IL6R: variants seen among roughly 807,000 people sequenced by gnomAD.
IL6R encodes the protein interleukin 6 receptor.
Under a neutral mutation model 48.3 loss-of-function variants are expected in IL6R, and 38 were observed. That is an observed-to-expected ratio of 0.79 (90% CI 0.61 to 1.03). The LOEUF (loss-of-function observed/expected upper bound fraction) is 1.03. Ranked by LOEUF, IL6R falls within the 50% of genes least tolerant of loss-of-function variation. IL6R has a pLI of 0.00. For missense variants in IL6R, 534 were observed against 618.3 expected (o/e 0.86, Z 1.45); for synonymous variants, 264 against 256.2 (o/e 1.03, Z -0.29).
chr1:154,449,529 A>C (rs1055163698), intron 7 of IL6R, among the ~76,000 whole-genome samples: 2 of 151,902 alleles, frequency 1.3e-5, no homozygotes, highest in African/African-American at 4.8e-5. Flanking sequence ...AAAACAAACA[A>C]AAAAAAAGAA....
intron 1 of IL6R, among the ~76,000 whole-genome samples, chr1:154,409,812 G>A (rs1439509947): frequency 1.3e-5 from 2 of 152,188 alleles, no homozygotes; most frequent in East Asian, 3.9e-4. Context: ...TGGTATGCTA[G>A]CGACTAGTGC....
intron 1 of IL6R, among the ~76,000 whole-genome samples, chr1:154,424,383 G>A (rs923214454): frequency 6.6e-6 from 1 of 152,202 alleles, no homozygotes; most frequent in Non-Finnish European, 1.5e-5. Flanking sequence ...AGCTGCAGTG[G>A]TCCTTGACCC....
At chr1:154,412,416 C>G (rs185533504) in intron 1 of IL6R, among the ~76,000 whole-genome samples, 7 of 151,982 alleles carry the variant, frequency 4.6e-5, no homozygotes, top group Non-Finnish European at 1.0e-4. Context: ...CCACCACACC[C>G]GGCTAATTTT....
intron 1 of IL6R, among the ~76,000 whole-genome samples, chr1:154,424,114 G>C (rs1013454457): frequency 2.6e-5 from 4 of 152,190 alleles, no homozygotes; most frequent in Admixed American, 2.6e-4. Context: ...CCAGCCTGGG[G>C]CCTGCCCATC....
intron 1 of IL6R, among the ~76,000 whole-genome samples, chr1:154,427,173 C>T (rs12023358): frequency 0.13 from 19,475 of 152,132 alleles, 1,436 homozygotes; most frequent in South Asian, 0.16. Context: ...TCGCCTCGGC[C>T]TCCCAAAGTG....
intron 1 of IL6R, among the ~76,000 whole-genome samples, chr1:154,409,368 T>C (rs937707471): frequency 3.9e-5 from 6 of 152,132 alleles, no homozygotes; most frequent in African/African-American, 1.4e-4. Flanking sequence ...CCTTCTGCTC[T>C]CCTCCACCTG....
Position 154,466,538 on chromosome 1 carries a change from C to T in IL6R, c.*1158C>T, listed in dbSNP as rs778911423. The T allele has an allele frequency of 2.0e-5, 3 of 152,254 alleles. No homozygotes were observed. The highest frequency in any genetic ancestry group is 4.8e-5 in the African/African-American group (2 of 41,436). 9.4% of individuals were successfully genotyped at this position (152,254 alleles called of 1,614,324 possible). On this transcript the variant is annotated 3_prime_UTR_variant, in exon 10 of 10. Coordinates refer to ENST00000368485, the MANE Select transcript of IL6R (RefSeq NM_000565.4). The stretch of plus-strand genomic sequence containing the variant: ...CACCATAACTTTGTTTAGCCCAAAA[C>T]CAAGTCAAGTGAAAAAGGAGGAAGA...
intron 1 of IL6R, among the ~76,000 whole-genome samples, chr1:154,418,845 A>C (rs1688498600): frequency 6.6e-6 from 1 of 152,166 alleles, no homozygotes; most frequent in African/African-American, 2.4e-5. Context: ...GAGAGTCCCC[A>C]GTGCCCCATT....
At chr1:154,415,983 A>G (rs1688322905) in intron 1 of IL6R, among the ~76,000 whole-genome samples, 1 of 152,130 alleles carries the variant, frequency 6.6e-6, no homozygotes, top group African/African-American at 2.4e-5. Context: ...AATAAAATAA[A>G]ATAACCATTT....
Position 154,430,785 on chromosome 1 carries a change from A to G in IL6R, c.458+179A>G, listed in dbSNP as rs182302641. ...TTTGACTGCCCCCCCTGAGCTAGGC[A>G]CTGTGCTTGTGCTTGGAACCTTGTC... On this transcript the variant is annotated intron_variant, in intron 3 of 9. Transcript: ENST00000368485. 1.4e-3 allele frequency among the ~76,000 whole-genome samples: 210 copies of G among 152,314 alleles called. 1 individual carries two copies. Among genetic ancestry groups the G allele is most frequent in the Non-Finnish European group, 1.8e-3 (124 of 68,022 alleles).
intron 8 of IL6R, among the ~76,000 whole-genome samples, chr1:154,453,220 A>G (rs1690683605): frequency 6.6e-6 from 1 of 152,168 alleles, no homozygotes; most frequent in South Asian, 2.1e-4. Flanking sequence ...AAAAAGAAGG[A>G]ACAAATAGAA....
Position 154,429,427 on chromosome 1 carries a change from T to G in IL6R, c.317T>G (p.Val106Gly), listed in dbSNP as rs2149235781. 1.2e-6 allele frequency: 2 copies of G among 1,610,758 alleles called. No individual in the cohort carries two copies. The highest frequency in any genetic ancestry group is 8.5e-7 in the Non-Finnish European group (1 of 1,177,318). Residue 106 changes from valine to glycine, a missense_variant, in exon 2 of 10, where the codon GTG becomes GGG. Physicochemically the swap from Val to Gly is moderately radical, Grantham distance 109. Transcript: ENST00000368485. ...CGGGCCGGCCGCCCAGCTGGGACTG[T>G]GCACTTGCTGGTGGATGGTGAGTTG... is the stretch of plus-strand genomic sequence containing the variant. ...CYRAGRPAGT[V>G]HLLVDVPPEE...
chr1:154,450,108 G>C (rs1245217999), intron 8 of IL6R, 128 bp downstream of exon 8: 10 of 481,238 alleles, frequency 2.1e-5, no homozygotes, highest in African/African-American at 8.9e-5. Context: ...AATGTTCTGT[G>C]TGTGTGTGTG....
intron 1 of IL6R, among the ~76,000 whole-genome samples, chr1:154,420,417 C>T (rs914103819): frequency 1.3e-5 from 2 of 151,964 alleles, no homozygotes; most frequent in African/African-American, 2.4e-5. Flanking sequence ...TGAGTCATCA[C>T]AAGACCAGGA....
chr1:154,444,947 C>CA, intron 6 of IL6R: 1 of 411,886 alleles, frequency 2.4e-6, no homozygotes, highest in Non-Finnish European at 4.9e-6. Context: ...CCGCCCCCCC[C>CA]AAATGAGGAA....
In IL6R at chr1:154,467,514, T is replaced by TA. The variant is rs1691610502; in HGVS notation, c.*2135dup. On this transcript the variant is annotated 3_prime_UTR_variant, in exon 10 of 10. Coordinates refer to ENST00000368485, the MANE Select transcript of IL6R (RefSeq NM_000565.4). ...TTACGGTTTTCCAGGTTTAAGCTGT[T>TA]ACTGTCTTCAGTAAGCCGTGATTTT... 2 of 152,268 alleles carry TA rather than the reference T, an allele frequency of 1.3e-5. No individual in the cohort carries two copies. Among genetic ancestry groups the TA allele is most frequent in the African/African-American group, 4.8e-5 (2 of 41,466 alleles). 9.4% of individuals were successfully genotyped at this position (152,268 alleles called of 1,614,324 possible).
At chr1:154,427,631 G>C (rs1181649388) in intron 1 of IL6R, among the ~76,000 whole-genome samples, 1 of 152,208 alleles carries the variant, frequency 6.6e-6, no homozygotes, top group African/African-American at 2.4e-5. Context: ...AAGGGTATCT[G>C]TATAGCTAGA....
intron 6 of IL6R, chr1:154,437,417 A>ATT (rs71586015): frequency 0.02 from 6,398 of 321,352 alleles, no homozygotes; most frequent in Admixed American, 0.028. Flanking sequence ...TTTAACTTAA[A>ATT]TTTTTTTTTT....
intron 6 of IL6R, among the ~76,000 whole-genome samples, chr1:154,437,811 T>C (rs1689719205): frequency 6.6e-6 from 1 of 151,896 alleles, no homozygotes; most frequent in Non-Finnish European, 1.5e-5. Context: ...CCTCTTGGGT[T>C]CACGCTATTC....
Sources: gnomAD v4.1 joint callset for allele counts (sites outside exome capture counted in the v4.1 genomes callset) on GRCh38, gnomAD v4.1.1 for gene constraint, MANE v1.5 for transcripts, NCBI Gene and HGNC (gene_info 2026-07-23, HGNC 2026-07-21) for gene names.